The following TET3 variants were observed in gnomAD, a reference collection of about 807,000 sequenced individuals.
TET3 encodes tet methylcytosine dioxygenase 3.
Under a neutral mutation model 141.4 loss-of-function variants are expected in TET3, and 19 were observed. That is an observed-to-expected ratio of 0.13 (90% CI 0.09 to 0.20). TET3 has a LOEUF of 0.20. Among genes scored for constraint, TET3 ranks in the 10% least tolerant of loss-of-function variants. The pLI is 1.00. For synonymous variants in TET3, 1,043 were observed against 980.9 expected (o/e 1.06, Z -1.18); for missense variants, 1,874 against 2,356.9 (o/e 0.80, Z 4.24).
intron 3 of TET3, among the ~76,000 whole-genome samples, chr2:74,003,575 C>T (rs1221303346): frequency 1.7e-5 from 2 of 115,534 alleles, no homozygotes; most frequent in Non-Finnish European, 3.7e-5. Context: ...GGTGGGGGGG[C>T]GTAAGAGGGA....
chr2:74,118,877 A>G, the TET3 span, among the ~76,000 whole-genome samples: 1 of 152,216 alleles, frequency 6.6e-6, no homozygotes, highest in Non-Finnish European at 1.5e-5. Flanking sequence ...TATATTATCT[A>G]ATATTGAGTT....
chr2:74,100,808 G>C lies in TET3; in HGVS notation c.4020G>C (p.Leu1340=), dbSNP rs1379238451. 6.2e-7 allele frequency: 1 copy of C among 1,612,602 alleles called. No homozygotes were observed. Among genetic ancestry groups the C allele is most frequent in the Non-Finnish European group, 8.5e-7 (1 of 1,179,460 alleles). Residue 1340 remains leucine (L), a synonymous_variant, in exon 12 of 12, where the codon CTG becomes CTC. Transcript: ENST00000409262. ...ACGGTGGTGCTGAGTTTGCCGAGCT[G>C]CCCAGCCAGGCTGTTCCCACAGACG... The part of the protein sequence containing the change: ...PAYGGAEFAE[L]PSQAVPTDAH...
chr2:74,020,277 G>A (rs1308148330), intron 3 of TET3, among the ~76,000 whole-genome samples: 3 of 152,146 alleles, frequency 2.0e-5, no homozygotes, highest in African/African-American at 7.2e-5. Context: ...CTCTGCCTCT[G>A]GGTTCAAGTG....
intron 5 of TET3, among the ~76,000 whole-genome samples, chr2:74,078,884 A>C (rs1018357728): frequency 6.6e-6 from 1 of 152,262 alleles, no homozygotes; most frequent in Admixed American, 6.5e-5. Flanking sequence ...ATATTTTATA[A>C]AAATAATTCT....
chr2:74,123,832 G>T, the TET3 span, among the ~76,000 whole-genome samples: 28 of 151,582 alleles, frequency 1.8e-4, no homozygotes, highest in Non-Finnish European at 7.4e-5. Context: ...CTGCCCGGCC[G>T]CCCATCGTCT....
At chr2:74,088,883 C>T (rs917528028) in intron 7 of TET3, among the ~76,000 whole-genome samples, 1 of 152,002 alleles carries the variant, frequency 6.6e-6, no homozygotes, top group African/African-American at 2.4e-5. Flanking sequence ...GAATTCGAGA[C>T]GAGCCTGGCC....
At chr2:74,122,511 A>ATATTTTTTT in the TET3 span, 16 of 47,548 alleles carry the variant, frequency 3.4e-4, no homozygotes, top group Non-Finnish European at 4.5e-4. Context: ...ATATATATAT[A>ATATTTTTTT]TTTTTTTTTT....
chr2:74,003,683 T>G (rs1241322439), intron 3 of TET3, among the ~76,000 whole-genome samples: 3 of 143,620 alleles, frequency 2.1e-5, no homozygotes, highest in Admixed American at 7.0e-5. Flanking sequence ...GTGGTGGGGG[T>G]GAGGATATTT....
intron 2 of TET3, among the ~76,000 whole-genome samples, chr2:73,991,592 A>G (rs1396653971): frequency 6.6e-6 from 1 of 151,998 alleles, no homozygotes; most frequent in African/African-American, 2.4e-5. Flanking sequence ...CCACATTGGG[A>G]TCACCTGGGA....
At chr2:74,124,936 A>T in the TET3 span, among the ~76,000 whole-genome samples, 1 of 151,876 alleles carries the variant, frequency 6.6e-6, no homozygotes, top group African/African-American at 2.4e-5. Context: ...ACTAAAAAAA[A>T]AAAAGAAAAA....
chr2:74,040,906 G>A (rs990841682), intron 3 of TET3, among the ~76,000 whole-genome samples: 3 of 152,102 alleles, frequency 2.0e-5, no homozygotes, highest in Non-Finnish European at 2.9e-5. Flanking sequence ...TCAAAAAAAG[G>A]AGCATCTCAC....
Position 74,093,721 on chromosome 2 carries a change from C to G in TET3, c.3267+55C>G. ...TGTGGGGCAACTGTGGGAGGGAGTC[C>G]ACCGTGGTCTTTTCAGAAAGGCAGG... On this transcript the variant is annotated intron_variant, in intron 10 of 11. Transcript: ENST00000409262. This position sits in a 1 kb window ranked among gnomAD's most constrained non-coding sequence, Gnocchi z 4.2. 6.8e-7 allele frequency: 1 copy of G among 1,480,146 alleles called. No individual in the cohort carries two copies. Among genetic ancestry groups the G allele is most frequent in the Non-Finnish European group, 9.0e-7 (1 of 1,105,788 alleles). 91.7% of individuals were successfully genotyped at this position (1,480,146 alleles called of 1,614,324 possible). A position where few individuals can be genotyped will look rare whatever the true frequency, so the allele number is the denominator to read the frequency against.
At chr2:74,009,671 C>T (rs540303949) in intron 3 of TET3, among the ~76,000 whole-genome samples, 4 of 152,334 alleles carry the variant, frequency 2.6e-5, no homozygotes, top group Non-Finnish European at 5.9e-5. Context: ...TCAGTCCATC[C>T]CTAGTCCTGC....
At chr2:74,061,436 C>T (rs1483913220) in intron 4 of TET3, among the ~76,000 whole-genome samples, 4 of 147,648 alleles carry the variant, frequency 2.7e-5, no homozygotes, top group East Asian at 2.1e-4. Flanking sequence ...CCCCACCTCC[C>T]TCCCGGACGG....
At chr2:74,032,405 A>G (rs566417483) in intron 3 of TET3, among the ~76,000 whole-genome samples, 5 of 86,546 alleles carry the variant, frequency 5.8e-5, no homozygotes, top group African/African-American at 2.1e-4. Context: ...GACGTGCACC[A>G]TGGGGCTTGG....
In TET3 at chr2:74,073,944, G is replaced by A. The variant is rs1013013686; in HGVS notation, c.2585+305G>A. On this transcript the variant is annotated intron_variant, in intron 5 of 11. Transcript: ENST00000409262. ...TCTGAATTTTGCTGATAGCTTTCCC[G>A]TGGTATTGTGGTATCATTAAAAGTG... The A allele has an allele frequency of 8.3e-4, 173 of 208,616 alleles. 3 individuals carry two copies. In the Admixed American group the frequency reaches 9.5e-3, roughly 11 times the overall value. The allele number at this position is 208,616 out of a possible 1,614,324, so 12.9% of individuals were successfully genotyped here.
At chr2:74,031,858 G>A (rs1686711990) in intron 3 of TET3, among the ~76,000 whole-genome samples, 1 of 152,114 alleles carries the variant, frequency 6.6e-6, no homozygotes, top group Non-Finnish European at 1.5e-5. Context: ...ATTTATTGAG[G>A]CACATGTGGG....
intron 2 of TET3, among the ~76,000 whole-genome samples, chr2:73,989,730 G>A (rs1303905846): frequency 6.6e-6 from 1 of 152,142 alleles, no homozygotes; most frequent in Non-Finnish European, 1.5e-5. Flanking sequence ...GACTTTAGAG[G>A]AGGTTGTTTG....
chr2:73,985,258 GGCGGGGGGCCGCTCCTCCGGT>G (rs1364791407), intron 1 of TET3, 101 bp downstream of exon 1: 18 of 142,630 alleles, frequency 1.3e-4, no homozygotes, highest in Middle Eastern at 3.5e-3. Context: ...GCCCGGATCC[GGCGGGGGGCCGCTCCTCCGGT>G]GCGGGGGGCC....
Sources: allele counts gnomAD v4.1 joint callset (sites outside exome capture counted in the v4.1 genomes callset), GRCh38; gene constraint gnomAD v4.1.1; non-coding constraint Gnocchi (gnomAD v3.1); transcripts MANE v1.5; gene names NCBI Gene and HGNC (gene_info 2026-07-23, HGNC 2026-07-21).